The following EGFLAM variants were observed in gnomAD, a reference collection of about 807,000 sequenced individuals.
EGFLAM encodes the protein EGF like, fibronectin type III and laminin G domains.
In EGFLAM, 79 loss-of-function variants were observed where a neutral mutation model predicts 113.1. The ratio of observed to expected loss-of-function variants is 0.70; its 90% CI spans 0.58 to 0.84. The LOEUF is 0.84. Among genes scored for constraint, EGFLAM ranks in the 40% least tolerant of loss-of-function variants. The pLI, the probability that EGFLAM is intolerant of heterozygous loss-of-function variation, is 0.00. For missense variants in EGFLAM, 1,265 were observed against 1,291.6 expected (o/e 0.98, Z 0.32); for synonymous variants, 504 against 487.6 (o/e 1.03, Z -0.44).
intron 1 of EGFLAM, among the ~76,000 whole-genome samples, chr5:38,281,372 A>T (rs76249894): frequency 6.0e-5 from 3 of 49,796 alleles, no homozygotes; most frequent in East Asian, 3.3e-4. Flanking sequence ...ATAATTTTAT[A>T]AAAAAAAATC....
Position 38,258,692 on chromosome 5 carries a change from C to G in EGFLAM, c.-63C>G. 6.5e-7 allele frequency: 1 copy of G among 1,545,240 alleles called. No homozygotes were observed. The highest frequency in any genetic ancestry group is 8.8e-7 in the Non-Finnish European group (1 of 1,138,632). Reference sequence around the variant, plus strand: ...TTGGGGCCGCGTCCCCCACGCGCCCCCGGAGACGCCCTTTCCGTGTGCGCC... The same window carrying G: ...TTGGGGCCGCGTCCCCCACGCGCCCGCGGAGACGCCCTTTCCGTGTGCGCC... On this transcript the variant is annotated 5_prime_UTR_variant, in exon 1 of 22. Coordinates refer to ENST00000322350, the MANE Select transcript of EGFLAM (RefSeq NM_152403.4).
At chr5:38,324,039 C>CAA (rs1491195107) in intron 1 of EGFLAM, among the ~76,000 whole-genome samples, 1 of 69,168 alleles carries the variant, frequency 1.4e-5, no homozygotes, top group Non-Finnish European at 2.6e-5. Flanking sequence ...AACTCCATCT[C>CAA]AAACAAAAAA....
intron 14 of EGFLAM, 166 bp downstream of exon 14, chr5:38,427,418 C>T (rs1437892571): frequency 1.7e-6 from 2 of 1,179,228 alleles, no homozygotes; most frequent in Non-Finnish European, 2.3e-6. Flanking sequence ...AGATGACAGG[C>T]TTCCTATAGA....
intron 6 of EGFLAM, among the ~76,000 whole-genome samples, chr5:38,378,189 C>T (rs1740414762): frequency 6.6e-6 from 1 of 152,160 alleles, no homozygotes. Flanking sequence ...CCAGCACCCT[C>T]TCATCTCACC....
intron 6 of EGFLAM, among the ~76,000 whole-genome samples, chr5:38,396,063 T>TTTTTTTTTTTTTTTTTTTTTTTTTAG (rs1482050151): frequency 6.6e-6 from 1 of 152,078 alleles, no homozygotes; most frequent in African/African-American, 2.4e-5. Context: ...ACCCACTCTT[T>TTTTTTTTTTTTTTTTTTTTTTTTTAG]AAAAGCCTCC....
intron 1 of EGFLAM, among the ~76,000 whole-genome samples, chr5:38,334,456 C>G (rs2111936320): frequency 6.6e-6 from 1 of 152,154 alleles, no homozygotes; most frequent in East Asian, 1.9e-4. Context: ...GGGGAGCTCT[C>G]TAGGATATCT....
chr5:38,322,907 T>C (rs762232480), intron 1 of EGFLAM, among the ~76,000 whole-genome samples: 2 of 152,230 alleles, frequency 1.3e-5, no homozygotes, highest in Non-Finnish European at 2.9e-5. Flanking sequence ...CAAACACTGT[T>C]CTGTGTCTTA....
chr5:38,375,552 C>T (rs954721132), intron 6 of EGFLAM, among the ~76,000 whole-genome samples: 1 of 152,182 alleles, frequency 6.6e-6, no homozygotes, highest in Admixed American at 6.5e-5. Context: ...TATCTTAGGG[C>T]TAAACTCTTT....
rs1389681490 is a variant in EGFLAM, at chr5:38,326,667, A to T, written c.98-10853A>T. ...GCCACCACGCCTGGCGTTTTTTTGT[A>T]TTTTTTAGTAGAGATGGGGTTTCAC... On this transcript the variant is annotated intron_variant, in intron 1 of 21. Transcript: ENST00000322350. Among the ~76,000 whole-genome samples, 4 of 144,558 alleles carry T rather than the reference A, an allele frequency of 2.8e-5. No individual in the cohort carries two copies. The East Asian group carries it at 8.5e-4, about 31-fold the overall frequency. The allele number at this position is 144,558 out of a possible 152,430, so 94.8% of individuals were successfully genotyped here.
intron 15 of EGFLAM, among the ~76,000 whole-genome samples, chr5:38,433,330 A>G (rs1429047142): frequency 6.6e-6 from 1 of 152,224 alleles, no homozygotes; most frequent in African/African-American, 2.4e-5. Context: ...CCGACTATGC[A>G]AGACACGTGG....
At chr5:38,442,113 G>C (rs1003766868) in intron 17 of EGFLAM, among the ~76,000 whole-genome samples, 1 of 151,976 alleles carries the variant, frequency 6.6e-6, no homozygotes, top group Non-Finnish European at 1.5e-5. Flanking sequence ...GGTCTGATTT[G>C]GGTGATTTTG....
rs748075796 is a variant in EGFLAM at position 38,409,085 on chromosome 5, C to T, written c.1330C>T (p.Arg444Ter). The change falls in exon 10 of 22, where the codon CGA becomes TGA. Residue 444 changes from arginine to a stop codon, truncating the protein, a stop_gained. Transcript: ENST00000322350. LOFTEE classifies it high-confidence loss of function. Reference sequence around the variant, plus strand: ...GGATTTCATGTCCCTGGCTATCATCCGACGCTCCCTGCAGTTCAGGTAATT... The same window carrying T: ...GGATTTCATGTCCCTGGCTATCATCTGACGCTCCCTGCAGTTCAGGTAATT... ...RGDFMSLAIIRRSLQFRFNCG... is the reference protein window; with the variant it reads ...RGDFMSLAII 3 of 1,583,992 alleles carry T rather than the reference C, an allele frequency of 1.9e-6. No homozygotes were observed. The highest frequency in any genetic ancestry group is 2.3e-5 in the South Asian group (2 of 86,716).
At chr5:38,343,206 C>G (rs1458079200) in intron 3 of EGFLAM, among the ~76,000 whole-genome samples, 1 of 151,934 alleles carries the variant, frequency 6.6e-6, no homozygotes, top group Non-Finnish European at 1.5e-5. Flanking sequence ...GAGTTCGAGA[C>G]CAGCCTGGCC....
At chr5:38,427,804 A>G (rs1419125276) in intron 14 of EGFLAM, among the ~76,000 whole-genome samples, 1 of 152,230 alleles carries the variant, frequency 6.6e-6, no homozygotes, top group African/African-American at 2.4e-5. Context: ...CAATATGCTC[A>G]AGAAAGATGT....
chr5:38,421,084 C>T (rs1561082274), intron 12 of EGFLAM, among the ~76,000 whole-genome samples: 1 of 152,192 alleles, frequency 6.6e-6, no homozygotes, highest in Admixed American at 6.5e-5. Flanking sequence ...GCAGCCTCAC[C>T]AGGGAGGTCA....
chr5:38,418,789 C>A (rs1041849117), intron 12 of EGFLAM, among the ~76,000 whole-genome samples: 6 of 152,126 alleles, frequency 3.9e-5, no homozygotes, highest in African/African-American at 1.4e-4. Flanking sequence ...CTGGGGCTTG[C>A]AGAAGTTAAA....
intron 1 of EGFLAM, among the ~76,000 whole-genome samples, chr5:38,302,570 C>T (rs1579746941): frequency 6.6e-6 from 1 of 151,998 alleles, no homozygotes; most frequent in South Asian, 2.1e-4. Flanking sequence ...GAAGGGTTTC[C>T]TTTCTAAAAT....
intron 1 of EGFLAM, chr5:38,305,553 G>A: frequency 2.4e-6 from 1 of 408,774 alleles, no homozygotes; most frequent in Non-Finnish European, 4.9e-6. Context: ...AATAATAGTG[G>A]GAAGGAGATG....
intron 20 of EGFLAM, among the ~76,000 whole-genome samples, chr5:38,460,748 G>A (rs866999060): frequency 6.6e-6 from 1 of 152,300 alleles, no homozygotes; most frequent in Middle Eastern, 3.4e-3. Context: ...ACTGGGTCAA[G>A]GCCATGGATA....
Sources: gnomAD v4.1 joint callset for allele counts (sites outside exome capture counted in the v4.1 genomes callset) on GRCh38, gnomAD v4.1.1 for gene constraint, MANE v1.5 for transcripts, NCBI Gene and HGNC (gene_info 2026-07-23, HGNC 2026-07-21) for gene names.